The following HYCC1 variants were observed in gnomAD, a reference collection of about 807,000 sequenced individuals.
The protein encoded by HYCC1 is hyccin PI4KA lipid kinase complex subunit 1.
the HYCC1 span, chr7:22,934,961 T>C: frequency 7.2e-5 from 11 of 152,168 alleles, no homozygotes; most frequent in Admixed American, 7.2e-4. Flanking sequence ...TAAACCCCCT[T>C]ATCAGTTAGG....
chr7:23,005,437 T>C, the HYCC1 span, among the ~76,000 whole-genome samples: 1 of 152,134 alleles, frequency 6.6e-6, no homozygotes, highest in African/African-American at 2.4e-5. Flanking sequence ...ATTTGGACAA[T>C]TGAGAATGTA....
the HYCC1 span, among the ~76,000 whole-genome samples, chr7:22,930,654 T>A: frequency 0.016 from 2,378 of 152,038 alleles, 29 homozygotes; most frequent in Middle Eastern, 0.058. Flanking sequence ...AGAAAAAACA[T>A]CATAAGAAAA....
At chr7:22,935,995 A>G in the HYCC1 span, 1 of 148,152 alleles carries the variant, frequency 6.7e-6, no homozygotes, top group East Asian at 2.0e-4. Flanking sequence ...CTAGTTGCCA[A>G]TGGGAATTTT....
the HYCC1 span, among the ~76,000 whole-genome samples, chr7:22,907,775 G>C: frequency 6.6e-6 from 1 of 152,148 alleles, no homozygotes; most frequent in Admixed American, 6.5e-5. Flanking sequence ...AGCTGGGCGT[G>C]GTGGCGCATG....
the HYCC1 span, among the ~76,000 whole-genome samples, chr7:22,991,714 G>A: frequency 0.65 from 98,788 of 151,942 alleles, 32,080 homozygotes; most frequent in Non-Finnish European, 0.66. Flanking sequence ...ATTTAAAGAA[G>A]TAAGCTAAAG....
At chr7:22,943,955 T>C in the HYCC1 span, 1 of 152,226 alleles carries the variant, frequency 6.6e-6, no homozygotes, top group Non-Finnish European at 1.5e-5. Flanking sequence ...GAGTTCATGC[T>C]TTTTGAAGAA....
the HYCC1 span, among the ~76,000 whole-genome samples, chr7:22,920,988 C>A: frequency 6.6e-6 from 1 of 152,176 alleles, no homozygotes; most frequent in Non-Finnish European, 1.5e-5. Context: ...AGCACTAGCT[C>A]CCTGTTTCCC....
the HYCC1 span, chr7:22,977,233 G>T: frequency 1.4e-6 from 1 of 739,258 alleles, no homozygotes; most frequent in Non-Finnish European, 2.5e-6. Flanking sequence ...TTATACTTTT[G>T]CAGGTACTAA....
At chr7:23,003,699 T>C in the HYCC1 span, among the ~76,000 whole-genome samples, 1 of 152,184 alleles carries the variant, frequency 6.6e-6, no homozygotes, top group Non-Finnish European at 1.5e-5. Context: ...TGGGAGTTAA[T>C]GTCTTAGAGG....
chr7:22,945,353 A>AG, the HYCC1 span: 10 of 562,418 alleles, frequency 1.8e-5, no homozygotes, highest in African/African-American at 9.4e-5. Flanking sequence ...AAATAAGAGG[A>AG]GGGAAAAAAA....
At chr7:22,930,005 T>C in the HYCC1 span, among the ~76,000 whole-genome samples, 1 of 152,016 alleles carries the variant, frequency 6.6e-6, no homozygotes, top group Non-Finnish European at 1.5e-5. Flanking sequence ...TGGAATACTA[T>C]GCAGCCATAA....
chr7:22,903,396 T>C, the HYCC1 span, among the ~76,000 whole-genome samples: 1 of 152,130 alleles, frequency 6.6e-6, no homozygotes, highest in Admixed American at 6.5e-5. Flanking sequence ...TAACTATAGA[T>C]TCAACCAATA....
At chr7:22,945,882 T>C in the HYCC1 span, 4 of 1,613,796 alleles carry the variant, frequency 2.5e-6, no homozygotes, top group Non-Finnish European at 3.4e-6. Context: ...AAAGTAAGTC[T>C]CTTCAAAGAG....
chr7:22,900,307 G>A, the HYCC1 span, among the ~76,000 whole-genome samples: 4 of 152,326 alleles, frequency 2.6e-5, no homozygotes, highest in East Asian at 1.9e-4. Context: ...GGCACTGACC[G>A]CTGTTTACTT....
chr7:22,990,068 A>G, the HYCC1 span, among the ~76,000 whole-genome samples: 1 of 152,226 alleles, frequency 6.6e-6, no homozygotes, highest in Non-Finnish European at 1.5e-5. Flanking sequence ...TTTTCAACCC[A>G]GGTGCAGAGA....
chr7:22,993,534 A>G, the HYCC1 span, among the ~76,000 whole-genome samples: 1 of 152,152 alleles, frequency 6.6e-6, no homozygotes, highest in Non-Finnish European at 1.5e-5. Flanking sequence ...TATATAAGGA[A>G]CTCATAAATT....
chr7:22,987,494 G>A, the HYCC1 span, among the ~76,000 whole-genome samples: 3 of 152,214 alleles, frequency 2.0e-5, no homozygotes, highest in Non-Finnish European at 4.4e-5. Flanking sequence ...GTTGCAGTGA[G>A]CCAAGACTGT....
the HYCC1 span, among the ~76,000 whole-genome samples, chr7:22,970,494 G>C: frequency 6.6e-6 from 1 of 152,154 alleles, no homozygotes; most frequent in South Asian, 2.1e-4. Context: ...GCAGTTGACA[G>C]TCTATATCAA....
At chr7:22,946,930 G>A in the HYCC1 span, 17 of 1,532,550 alleles carry the variant, frequency 1.1e-5, no homozygotes, top group Non-Finnish European at 1.5e-5. Context: ...ACATGCATCA[G>A]TGGCCCTTTG....
Sources: allele counts gnomAD v4.1 joint callset (sites outside exome capture counted in the v4.1 genomes callset), GRCh38; gene constraint gnomAD v4.1.1; transcripts MANE v1.5; gene names NCBI Gene and HGNC (gene_info 2026-07-23, HGNC 2026-07-21).